TMEM74: variants seen among roughly 807,000 people sequenced by gnomAD.
TMEM74 encodes transmembrane protein 74.
A neutral mutation model predicts 18.1 loss-of-function variants in TMEM74; 13 were observed. That is an observed-to-expected ratio of 0.72 (90% CI 0.47 to 1.14). The LOEUF (loss-of-function observed/expected upper bound fraction) is 1.14, where lower values mean the gene tolerates loss of function less well. Ranked by LOEUF, TMEM74 falls within the 50% of genes most tolerant of loss-of-function variation. The pLI, the probability that TMEM74 is intolerant of heterozygous loss-of-function variation, is 0.00. For synonymous variants in TMEM74, 159 were observed against 146.6 expected, an observed-to-expected ratio of 1.08 and a Z score of -0.61; for missense variants, 372 against 375.9, an observed-to-expected ratio of 0.99 and a Z score of 0.09.
At chr8:108,646,535 A>G (rs1812722066) in intron 2 of TMEM74, among the ~76,000 whole-genome samples, 1 of 152,136 alleles carries the variant, frequency 6.6e-6, no homozygotes, top group Non-Finnish European at 1.5e-5. Context: ...CAAATAGACA[A>G]GAATATGCCT....
chr8:108,617,145 G>A (rs1016955627), intron 2 of TMEM74, among the ~76,000 whole-genome samples: 2 of 151,760 alleles, frequency 1.3e-5, no homozygotes, highest in African/African-American at 4.8e-5. Context: ...GCAAAATTAG[G>A]AACTGAGGAG....
rs142275280 is a variant in TMEM74, at chr8:108,642,347, C to T, written n.264+12946G>A. 5.3e-4 allele frequency among the ~76,000 whole-genome samples: 77 copies of T among 144,884 alleles called. 1 individual carries two copies. Among genetic ancestry groups the T allele is most frequent in the African/African-American group, 6.5e-4 (25 of 38,408 alleles). On this transcript the variant is annotated intron_variant and non_coding_transcript_variant, in intron 2 of 3. Coordinates refer to the TMEM74 transcript ENST00000518838. Reference sequence around the variant, plus strand: ...TTGGGAGGCGGAGGTTGCAGTCAGCCGAGACTGTGTCACTGCACTCCACCA... The same window carrying T: ...TTGGGAGGCGGAGGTTGCAGTCAGCTGAGACTGTGTCACTGCACTCCACCA...
chr8:108,677,721 T>C (rs1267122581), intron 1 of TMEM74, among the ~76,000 whole-genome samples: 3 of 152,130 alleles, frequency 2.0e-5, no homozygotes, highest in African/African-American at 7.2e-5. Context: ...TCTGACTGTG[T>C]TTTTACTGCA....
At chr8:108,765,777 T>A (rs911465546) in intron 1 of TMEM74, among the ~76,000 whole-genome samples, 1 of 152,130 alleles carries the variant, frequency 6.6e-6, no homozygotes, top group African/African-American at 2.4e-5. Context: ...ATAGAGACAA[T>A]TTTTAAACAG....
chr8:108,736,334 T>C (rs1813749644), intron 1 of TMEM74, among the ~76,000 whole-genome samples: 1 of 152,186 alleles, frequency 6.6e-6, no homozygotes, highest in Non-Finnish European at 1.5e-5. Context: ...ACTTGAAATG[T>C]GAATTGTAAG....
chr8:108,631,258 A>T (rs1812549722), intron 2 of TMEM74, among the ~76,000 whole-genome samples: 1 of 151,964 alleles, frequency 6.6e-6, no homozygotes, highest in South Asian at 2.1e-4. Flanking sequence ...AAGTGTCCTG[A>T]AGTGGTGTTG....
intron 1 of TMEM74, among the ~76,000 whole-genome samples, chr8:108,730,907 G>A (rs1294259622): frequency 6.6e-6 from 1 of 152,086 alleles, no homozygotes; most frequent in Non-Finnish European, 1.5e-5. Flanking sequence ...TGGGATTACA[G>A]GCGTGAGCCA....
rs151154898 is a variant in TMEM74 at position 108,746,770 on chromosome 8, T to C, written n.119+40706A>G. Among the ~76,000 whole-genome samples, 764 of 152,160 alleles carry C rather than the reference T, an allele frequency of 5.0e-3. 6 individuals are homozygous for C. The highest frequency in any genetic ancestry group is 0.016 in the African/African-American group (655 of 41,550). The stretch of plus-strand genomic sequence containing the variant: ...GGTTGAGACCATAACTAATGGTCAA[T>C]GATTTAATCAATTGTGCCTTCACAA... On this transcript the variant is annotated intron_variant and non_coding_transcript_variant, in intron 1 of 3. Coordinates refer to the TMEM74 transcript ENST00000518838.
At chr8:108,777,435 A>T (rs1361832247), downstream of TMEM74, among the ~76,000 whole-genome samples, 1 of 152,158 alleles carries the variant, frequency 6.6e-6, no homozygotes, top group African/African-American at 2.4e-5. Flanking sequence ...CTTGAGTCTC[A>T]TTAGGGGTAA....
chr8:108,630,176 G>T (rs1321883524), intron 2 of TMEM74, among the ~76,000 whole-genome samples: 1 of 151,836 alleles, frequency 6.6e-6, no homozygotes, highest in African/African-American at 2.4e-5. Flanking sequence ...AAAAAGCAGG[G>T]GTTACAATCC....
intron 1 of TMEM74, among the ~76,000 whole-genome samples, chr8:108,729,384 A>G (rs895252435): frequency 6.6e-6 from 1 of 152,178 alleles, no homozygotes; most frequent in Non-Finnish European, 1.5e-5. Context: ...AAGTTCTCTG[A>G]TCTCTCTGGC....
chr8:108,634,915 A>C (rs1272787397), intron 2 of TMEM74, among the ~76,000 whole-genome samples: 4 of 151,926 alleles, frequency 2.6e-5, no homozygotes, highest in Non-Finnish European at 1.5e-5. Context: ...GTCCTTCCCA[A>C]AGTGAGTCTT....
At chr8:108,715,637 G>A (rs1586271184) in intron 1 of TMEM74, among the ~76,000 whole-genome samples, 1 of 152,118 alleles carries the variant, frequency 6.6e-6, no homozygotes, top group East Asian at 1.9e-4. Flanking sequence ...AAAATCACTA[G>A]TACATTAAAA....
intron 1 of TMEM74, among the ~76,000 whole-genome samples, chr8:108,739,140 G>GATAA (rs1225135058): frequency 6.6e-6 from 1 of 152,104 alleles, no homozygotes; most frequent in Non-Finnish European, 1.5e-5. Context: ...TTGACTTTTT[G>GATAA]ATAAATAAAT....
At chr8:108,771,063 C>T (rs1020992168) in intron 1 of TMEM74, among the ~76,000 whole-genome samples, 4 of 152,160 alleles carry the variant, frequency 2.6e-5, no homozygotes, top group African/African-American at 4.8e-5. Flanking sequence ...CTTTCTTATC[C>T]TCTTATATTA....
intron 1 of TMEM74, among the ~76,000 whole-genome samples, chr8:108,664,722 T>A (rs986682325): frequency 6.6e-6 from 1 of 152,094 alleles, no homozygotes; most frequent in Admixed American, 6.6e-5. Context: ...CCTACAGGTA[T>A]CTGCTAATTA....
At chr8:108,768,518 A>G (rs186695469) in intron 1 of TMEM74, among the ~76,000 whole-genome samples, 1 of 152,306 alleles carries the variant, frequency 6.6e-6, no homozygotes, top group Admixed American at 6.5e-5. Context: ...AATTCAATTT[A>G]TATAATCATG....
At chr8:108,756,650 GAGAAAGAA>G (rs71305914) in intron 1 of TMEM74, among the ~76,000 whole-genome samples, 304 of 27,108 alleles carry the variant, frequency 0.011, 6 homozygotes, top group African/African-American at 0.023. Flanking sequence ...AAGAAAGAAA[GAGAAAGAA>G]AGAAAGAAAG....
chr8:108,722,810 A>T (rs1319506400), intron 1 of TMEM74, among the ~76,000 whole-genome samples: 2 of 152,204 alleles, frequency 1.3e-5, no homozygotes, highest in African/African-American at 4.8e-5. Flanking sequence ...TCTACACTAA[A>T]ATCATTCATC....
Sources: allele counts gnomAD v4.1 joint callset (sites outside exome capture counted in the v4.1 genomes callset), GRCh38; gene constraint gnomAD v4.1.1; transcripts MANE v1.5; gene names NCBI Gene and HGNC (gene_info 2026-07-23, HGNC 2026-07-21).